ZEB2: variants seen among roughly 807,000 people sequenced by gnomAD.
ZEB2 encodes the protein zinc finger E-box binding homeobox 2, also known as zinc finger E-box-binding homeobox 2.
Under a neutral mutation model 99.9 loss-of-function variants are expected in ZEB2, and 6 were observed. The observed-to-expected ratio is 0.06, with a 90% CI of 0.03 to 0.12. ZEB2 has a LOEUF of 0.12. Among genes scored for constraint, ZEB2 ranks in the 10% least tolerant of loss-of-function variants. The pLI, the probability that ZEB2 is intolerant of heterozygous loss-of-function variation, is 1.00. For synonymous variants in ZEB2, 517 were observed against 542.5 expected, an observed-to-expected ratio of 0.95 and a Z score of 0.65; for missense variants, 969 against 1,502.8, an observed-to-expected ratio of 0.64 and a Z score of 5.87.
At chr2:144,469,348 T>G (rs1408676811) in intron 2 of ZEB2, among the ~76,000 whole-genome samples, 1 of 152,146 alleles carries the variant, frequency 6.6e-6, no homozygotes, top group Non-Finnish European at 1.5e-5. Flanking sequence ...ATTCACCAAC[T>G]AACACACTGC....
intron 2 of ZEB2, among the ~76,000 whole-genome samples, chr2:144,447,052 G>A (rs1032802456): frequency 6.6e-6 from 1 of 150,494 alleles, no homozygotes; most frequent in African/African-American, 2.4e-5. Flanking sequence ...TTTAATAACT[G>A]TAAATTTCAG....
intron 9 of ZEB2, among the ~76,000 whole-genome samples, chr2:144,395,351 T>C (rs1703212638): frequency 6.6e-6 from 1 of 152,068 alleles, no homozygotes; most frequent in African/African-American, 2.4e-5. Flanking sequence ...ATCATCGCTT[T>C]TCCCCCAAAA....
At chr2:144,415,641 G>A (rs916220763) in intron 4 of ZEB2, among the ~76,000 whole-genome samples, 1 of 152,052 alleles carries the variant, frequency 6.6e-6, no homozygotes, top group Non-Finnish European at 1.5e-5. Flanking sequence ...CTTAATTCAC[G>A]CTACTGCTTC....
At chr2:144,407,725 G>A (rs573876220) in intron 4 of ZEB2, among the ~76,000 whole-genome samples, 9 of 152,116 alleles carry the variant, frequency 5.9e-5, no homozygotes, top group East Asian at 1.9e-4. Flanking sequence ...TTCTGAATTC[G>A]TATCTACTTG....
chr2:144,418,189 C>G (rs1422948371), intron 4 of ZEB2, among the ~76,000 whole-genome samples: 5 of 152,190 alleles, frequency 3.3e-5, no homozygotes, highest in Admixed American at 3.3e-4. Flanking sequence ...TGCCAGAGTA[C>G]TGAAAATAAT....
intron 2 of ZEB2, among the ~76,000 whole-genome samples, chr2:144,477,398 T>C (rs1417901082): frequency 6.6e-6 from 1 of 152,238 alleles, no homozygotes; most frequent in African/African-American, 2.4e-5. Flanking sequence ...GGTTTCTGCA[T>C]AATTTTTTTT....
chr2:144,450,397 A>C (rs1486200408), intron 2 of ZEB2: 2 of 152,228 alleles, frequency 1.3e-5, no homozygotes, highest in African/African-American at 4.8e-5. Context: ...TCTTCAAAAA[A>C]ATCAATCTCT....
At chr2:144,450,697 C>T (rs1231585274) in intron 2 of ZEB2, among the ~76,000 whole-genome samples, 1 of 152,138 alleles carries the variant, frequency 6.6e-6, no homozygotes, top group East Asian at 1.9e-4. Context: ...TGTTTTTGAG[C>T]TGGAGTCTCA....
chr2:144,392,099 A>C (rs1388526173), intron 9 of ZEB2, among the ~76,000 whole-genome samples: 1 of 152,262 alleles, frequency 6.6e-6, no homozygotes, highest in Non-Finnish European at 1.5e-5. Context: ...GGAGCAGAGT[A>C]CATGGAAGTA....
intron 2 of ZEB2, chr2:144,512,796 T>C: frequency 2.3e-6 from 3 of 1,287,130 alleles, no homozygotes; most frequent in South Asian, 2.5e-5. Flanking sequence ...CCCAGCCTTG[T>C]GTGTGTGCAG....
intron 2 of ZEB2, among the ~76,000 whole-genome samples, chr2:144,502,443 C>T (rs1046512690): frequency 7.9e-5 from 12 of 152,026 alleles, no homozygotes; most frequent in African/African-American, 2.4e-4. Flanking sequence ...TTTCTATGGG[C>T]GGTTTGTCTT....
At chr2:144,511,056 C>T (rs1368757388) in intron 2 of ZEB2, among the ~76,000 whole-genome samples, 1 of 152,144 alleles carries the variant, frequency 6.6e-6, no homozygotes, top group Non-Finnish European at 1.5e-5. Context: ...TAATTTACTA[C>T]AAAATTATAA....
chr2:144,488,035 G>C (rs914588510), intron 2 of ZEB2, among the ~76,000 whole-genome samples: 2 of 152,164 alleles, frequency 1.3e-5, no homozygotes, highest in African/African-American at 4.8e-5. Flanking sequence ...GAACGGGTGG[G>C]AGATCACATG....
At chr2:144,436,305 C>T (rs1289043989) in intron 2 of ZEB2, among the ~76,000 whole-genome samples, 1 of 152,158 alleles carries the variant, frequency 6.6e-6, no homozygotes, top group Non-Finnish European at 1.5e-5. Context: ...TACAAACTAG[C>T]TTGGCCACTT....
At chr2:144,428,120 A>C (rs568381346) in intron 3 of ZEB2, 1 of 152,212 alleles carries the variant, frequency 6.6e-6, no homozygotes, top group Non-Finnish European at 1.5e-5. Flanking sequence ...CTAAGGGTGG[A>C]AATTCTAGTA....
rs894026538 is a variant in ZEB2 at position 144,386,773 on chromosome 2, A to G, written c.*2678T>C. ...TTGAATTAATAAAGTTATCGCCTAGAGCCTTTCAAACCAGAAAAATTTATG... is the reference window on the plus strand; with the variant it reads ...TTGAATTAATAAAGTTATCGCCTAGGGCCTTTCAAACCAGAAAAATTTATG... On this transcript the variant is annotated 3_prime_UTR_variant, in exon 10 of 10. Transcript: ENST00000627532. 1 of 152,122 alleles carries G rather than the reference A, an allele frequency of 6.6e-6. No individual in the cohort carries two copies. The highest frequency in any genetic ancestry group is 1.5e-5 in the Non-Finnish European group (1 of 68,026). 9.4% of individuals were successfully genotyped at this position (152,122 alleles called of 1,614,324 possible). A position where few individuals can be genotyped will look rare whatever the true frequency, so the allele number is the denominator to read the frequency against.
chr2:144,473,477 G>C (rs997632908), intron 2 of ZEB2, among the ~76,000 whole-genome samples: 3 of 152,086 alleles, frequency 2.0e-5, no homozygotes, highest in Non-Finnish European at 4.4e-5. Context: ...TGCTCAGGCT[G>C]GTCTTAAATT....
chr2:144,401,313 A>G lies in ZEB2; in HGVS notation c.808-6T>C. 1 of 1,613,834 alleles carries G rather than the reference A, an allele frequency of 6.2e-7. No individual in the cohort carries two copies. Among genetic ancestry groups the G allele is most frequent in the Non-Finnish European group, 8.5e-7 (1 of 1,179,722 alleles). On this transcript the variant is annotated splice_polypyrimidine_tract_variant and splice_region_variant and intron_variant, in intron 6 of 9. Coordinates refer to ENST00000627532, the MANE Select transcript of ZEB2 (RefSeq NM_014795.4). ...CCTTGGGTTAGCATTTGGTGCTATA[A>G]AAGGAGAAAGACTGACATCAGTTTT...
intron 4 of ZEB2, among the ~76,000 whole-genome samples, chr2:144,417,002 C>T (rs371369086): frequency 8.5e-5 from 13 of 152,174 alleles, no homozygotes; most frequent in Non-Finnish European, 1.9e-4. Context: ...TATGCGCTAA[C>T]GTTGCACTAA....
Sources: allele counts gnomAD v4.1 joint callset (sites outside exome capture counted in the v4.1 genomes callset), GRCh38; gene constraint gnomAD v4.1.1; transcripts MANE v1.5; gene names NCBI Gene and HGNC (gene_info 2026-07-23, HGNC 2026-07-21).